The following AUTS2 variants were observed in gnomAD, a reference collection of about 807,000 sequenced individuals.
AUTS2 encodes autism susceptibility gene 2 protein.
A neutral mutation model predicts 112.4 loss-of-function variants in AUTS2; 17 were observed. The observed-to-expected ratio is 0.15, with a 90% CI of 0.10 to 0.23. The LOEUF (loss-of-function observed/expected upper bound fraction) is 0.23, where lower values mean the gene tolerates loss of function less well. AUTS2 is among the 10% of genes least tolerant of loss of function. The pLI, the probability that AUTS2 is intolerant of heterozygous loss-of-function variation, is 1.00. For missense variants in AUTS2, 1,510 were observed against 1,701.6 expected (o/e 0.89, Z 1.98); for synonymous variants, 751 against 702.7 (o/e 1.07, Z -1.09).
chr7:70,366,415 A>G (rs1792572731), intron 4 of AUTS2, among the ~76,000 whole-genome samples: 1 of 152,190 alleles, frequency 6.6e-6, no homozygotes, highest in Non-Finnish European at 1.5e-5. Flanking sequence ...AGAGAGAGAA[A>G]GTGGAGGCAG....
intron 2 of AUTS2, among the ~76,000 whole-genome samples, chr7:69,991,099 G>C (rs1798725283): frequency 6.6e-6 from 1 of 152,190 alleles, no homozygotes. Context: ...AAATGAAAGA[G>C]AGTCTGGGAA....
At chr7:69,691,677 G>C (rs1797352939) in intron 1 of AUTS2, among the ~76,000 whole-genome samples, 1 of 151,812 alleles carries the variant, frequency 6.6e-6, no homozygotes, top group Admixed American at 6.6e-5. Context: ...CCTGGGTCCA[G>C]AGCCACAGCT....
At chr7:69,735,378 C>A (rs571167232) in intron 1 of AUTS2, among the ~76,000 whole-genome samples, 4 of 152,164 alleles carry the variant, frequency 2.6e-5, no homozygotes, top group Admixed American at 2.0e-4. Flanking sequence ...TTCTGGTGGC[C>A]CTGCAGAGCA....
chr7:69,916,716 C>A (rs560582478), intron 2 of AUTS2, among the ~76,000 whole-genome samples: 1 of 152,296 alleles, frequency 6.6e-6, no homozygotes, highest in African/African-American at 2.4e-5. Context: ...ATTCTTACAT[C>A]CTATAGATTT....
chr7:69,682,036 G>A (rs774009194), intron 1 of AUTS2, among the ~76,000 whole-genome samples: 5 of 152,134 alleles, frequency 3.3e-5, no homozygotes, highest in Non-Finnish European at 7.4e-5. Flanking sequence ...TGAGACTTAG[G>A]TGAGTTAATG....
At chr7:70,350,365 TA>T (rs1791692451) in intron 4 of AUTS2, among the ~76,000 whole-genome samples, 2 of 152,208 alleles carry the variant, frequency 1.3e-5, no homozygotes, top group Non-Finnish European at 2.9e-5. Context: ...ATGCTGCTAA[TA>T]AACAAATACC....
At position 70,774,084 on chromosome 7, in the gene AUTS2, C is replaced by G. The variant is rs143201197; in HGVS notation, c.1887C>G (p.Leu629=). 1.9e-6 allele frequency: 3 copies of G among 1,614,076 alleles called. No homozygotes were observed. Among genetic ancestry groups the G allele is most frequent in the East Asian group, 2.2e-5 (1 of 44,896 alleles). The change falls in exon 12 of 19, where the codon CTC becomes CTG. Residue 629 remains leucine, a synonymous_variant. Coordinates refer to ENST00000342771, the MANE Select transcript of AUTS2 (RefSeq NM_015570.4). ...CTGGGACAGTCCCACACACTTTACT[C>G]CAAAAGGACCCGAGGGTACGTGCAA... ...ARPGTVPHTL[L]QKDPRLTDPF...
At chr7:70,773,228 C>T (rs543774667) in intron 11 of AUTS2, among the ~76,000 whole-genome samples, 4 of 152,152 alleles carry the variant, frequency 2.6e-5, no homozygotes, top group South Asian at 2.1e-4. Context: ...CTTTTCCCCA[C>T]GAGTTTAACT....
intron 4 of AUTS2, among the ~76,000 whole-genome samples, chr7:70,337,105 T>C (rs1334198942): frequency 1.3e-5 from 2 of 152,224 alleles, no homozygotes; most frequent in Non-Finnish European, 2.9e-5. Context: ...GAATTTTTCA[T>C]GCAGTAATTA....
At chr7:70,097,443 A>G (rs1804265164) in intron 2 of AUTS2, among the ~76,000 whole-genome samples, 1 of 152,248 alleles carries the variant, frequency 6.6e-6, no homozygotes, top group African/African-American at 2.4e-5. Flanking sequence ...GTGTGTATGC[A>G]TATGTATAAA....
At chr7:70,357,714 G>A (rs1007494505) in intron 4 of AUTS2, among the ~76,000 whole-genome samples, 3 of 152,190 alleles carry the variant, frequency 2.0e-5, no homozygotes, top group Non-Finnish European at 2.9e-5. Context: ...TAAGCTTGAC[G>A]TAGGTAGCTT....
intron 4 of AUTS2, among the ~76,000 whole-genome samples, chr7:70,306,217 G>C (rs886321384): frequency 1.3e-5 from 2 of 152,214 alleles, no homozygotes; most frequent in Admixed American, 1.3e-4. Flanking sequence ...AGAGAAGCTT[G>C]TGGGAGCTGC....
chr7:70,031,095 G>C (rs1800757899), intron 2 of AUTS2, among the ~76,000 whole-genome samples: 1 of 152,144 alleles, frequency 6.6e-6, no homozygotes, highest in Admixed American at 6.6e-5. Context: ...AACATGACAT[G>C]TTTCCTGTCG....
chr7:70,548,341 CA>C (rs1457885959), intron 5 of AUTS2, among the ~76,000 whole-genome samples: 1 of 152,080 alleles, frequency 6.6e-6, no homozygotes, highest in African/African-American at 2.4e-5. Context: ...ATATGATTTG[CA>C]AATATTTTCT....
chr7:70,206,025 A>C (rs1208300211), intron 4 of AUTS2, among the ~76,000 whole-genome samples: 2 of 152,208 alleles, frequency 1.3e-5, no homozygotes, highest in Non-Finnish European at 2.9e-5. Flanking sequence ...CATCTGTTTC[A>C]AGTTCCTAAT....
intron 6 of AUTS2, among the ~76,000 whole-genome samples, chr7:70,744,765 C>T (rs531182067): frequency 1.4e-3 from 212 of 152,302 alleles, no homozygotes; most frequent in African/African-American, 4.7e-3. Flanking sequence ...CTGACTGACA[C>T]GTGAGCCCCC....
chr7:70,117,712 G>A (rs1037625352), intron 2 of AUTS2, among the ~76,000 whole-genome samples: 3 of 151,754 alleles, frequency 2.0e-5, no homozygotes, highest in Admixed American at 6.6e-5. Flanking sequence ...CAGAAACTGA[G>A]AAGAATATTA....
chr7:70,071,887 T>A (rs1802785593), intron 2 of AUTS2, among the ~76,000 whole-genome samples: 1 of 152,196 alleles, frequency 6.6e-6, no homozygotes, highest in African/African-American at 2.4e-5. Context: ...GTGTCACCTG[T>A]GATGACCCAT....
At chr7:70,447,005 C>T (rs566302703) in intron 5 of AUTS2, among the ~76,000 whole-genome samples, 2 of 152,308 alleles carry the variant, frequency 1.3e-5, no homozygotes, top group East Asian at 3.9e-4. Flanking sequence ...ACTTCAGCCC[C>T]CAGGGTGGAT....
Sources: gnomAD v4.1 joint callset for allele counts (sites outside exome capture counted in the v4.1 genomes callset) on GRCh38, gnomAD v4.1.1 for gene constraint, MANE v1.5 for transcripts, NCBI Gene and HGNC (gene_info 2026-07-23, HGNC 2026-07-21) for gene names.